Variants in GRIP1 observed in about 807,000 individuals in gnomAD.
GRIP1 encodes the protein glutamate receptor-interacting protein 1.
In GRIP1, 45 loss-of-function variants were observed where a neutral mutation model predicts 129.9. The ratio of observed to expected loss-of-function variants is 0.35; its 90% CI spans 0.27 to 0.44. The LOEUF is 0.44. GRIP1 is among the 20% of genes least tolerant of loss of function. GRIP1 has a pLI of 1.00. For missense variants in GRIP1, 1,196 were observed against 1,396.8 expected, an observed-to-expected ratio of 0.86 and a Z score of 2.29; for synonymous variants, 530 against 520.8, an observed-to-expected ratio of 1.02 and a Z score of -0.24.
chr12:66,485,047 G>C (rs2059915374), intron 7 of GRIP1, among the ~76,000 whole-genome samples: 1 of 152,168 alleles, frequency 6.6e-6, no homozygotes, highest in Non-Finnish European at 1.5e-5. Context: ...CCATAACTAG[G>C]TTTGGAATTG....
At chr12:66,870,360 G>A (rs1056073071) in intron 1 of GRIP1, among the ~76,000 whole-genome samples, 1 of 150,462 alleles carries the variant, frequency 6.6e-6, no homozygotes, top group Non-Finnish European at 1.5e-5. Context: ...TGTAAATCAG[G>A]GTTGAAAAAA....
At chr12:67,010,476 G>A (rs80051596) in intron 1 of GRIP1, among the ~76,000 whole-genome samples, 4,519 of 152,066 alleles carry the variant, frequency 0.03, 185 homozygotes, top group African/African-American at 0.093. Context: ...TTTCTATTAC[G>A]TACAACTATG....
chr12:66,821,909 C>T (rs993039757), intron 1 of GRIP1, among the ~76,000 whole-genome samples: 2 of 152,090 alleles, frequency 1.3e-5, no homozygotes, highest in Non-Finnish European at 2.9e-5. Flanking sequence ...CATCCTTGGC[C>T]GACTACATTA....
intron 1 of GRIP1, among the ~76,000 whole-genome samples, chr12:66,987,840 C>G (rs2042335211): frequency 6.6e-6 from 1 of 152,184 alleles, no homozygotes; most frequent in Admixed American, 6.5e-5. Context: ...CTCTTATCAA[C>G]CAATGCTTTC....
intron 1 of GRIP1, among the ~76,000 whole-genome samples, chr12:66,628,111 G>A (rs1207789039): frequency 6.6e-6 from 1 of 152,170 alleles, no homozygotes; most frequent in Non-Finnish European, 1.5e-5. Flanking sequence ...GCTGGGGAAA[G>A]CCATAGCCAC....
chr12:66,350,784 C>G (rs1264499141), intron 24 of GRIP1, among the ~76,000 whole-genome samples: 1 of 152,188 alleles, frequency 6.6e-6, no homozygotes, highest in Non-Finnish European at 1.5e-5. Context: ...TGCCTGTGAT[C>G]TTCTCCTCCC....
At chr12:66,701,149 A>T (rs1211339457) in intron 1 of GRIP1, among the ~76,000 whole-genome samples, 1 of 152,100 alleles carries the variant, frequency 6.6e-6, no homozygotes, top group East Asian at 1.9e-4. Context: ...CCTTTTCTAC[A>T]CACATCCATT....
chr12:66,955,570 C>G (rs1453669058), intron 1 of GRIP1, among the ~76,000 whole-genome samples: 1 of 138,302 alleles, frequency 7.2e-6, no homozygotes, highest in Non-Finnish European at 1.5e-5. Flanking sequence ...TGCAGTGGTG[C>G]AATCTCGGCT....
intron 1 of GRIP1, among the ~76,000 whole-genome samples, chr12:66,646,727 T>C (rs1037495834): frequency 6.6e-6 from 1 of 152,120 alleles, no homozygotes; most frequent in Admixed American, 6.5e-5. Context: ...CCCCACCCCA[T>C]TGATGGGATA....
chr12:66,942,078 C>T (rs1352347733), intron 1 of GRIP1, among the ~76,000 whole-genome samples: 3 of 152,156 alleles, frequency 2.0e-5, no homozygotes, highest in Non-Finnish European at 4.4e-5. Flanking sequence ...AGGTGCTTTG[C>T]ATGTACTAAT....
intron 1 of GRIP1, among the ~76,000 whole-genome samples, chr12:66,840,847 A>G (rs2137047831): frequency 6.6e-6 from 1 of 152,292 alleles, no homozygotes; most frequent in South Asian, 2.1e-4. Flanking sequence ...CAGACAGCCC[A>G]GTGAGCCTCT....
intron 1 of GRIP1, among the ~76,000 whole-genome samples, chr12:66,980,312 T>C (rs1278021828): frequency 6.6e-6 from 1 of 152,140 alleles, no homozygotes; most frequent in Non-Finnish European, 1.5e-5. Flanking sequence ...CAGATGCTCT[T>C]TTAAGAATTC....
intron 1 of GRIP1, among the ~76,000 whole-genome samples, chr12:66,626,317 G>C (rs1275666373): frequency 1.4e-5 from 2 of 147,926 alleles, no homozygotes; most frequent in African/African-American, 5.0e-5. Flanking sequence ...TCCAGCCTGG[G>C]AGACAGAGTA....
chr12:66,763,947 A>G (rs2136682634), intron 1 of GRIP1, among the ~76,000 whole-genome samples: 1 of 152,336 alleles, frequency 6.6e-6, no homozygotes, highest in South Asian at 2.1e-4. Context: ...GCAAGCACTG[A>G]CATTGCCTAA....
chr12:66,754,202 G>T (rs1377120547), intron 1 of GRIP1, among the ~76,000 whole-genome samples: 1 of 152,162 alleles, frequency 6.6e-6, no homozygotes, highest in African/African-American at 2.4e-5. Context: ...GACGATGGAT[G>T]TATACATCTG....
chr12:67,054,490 G>A (rs2043400135), intron 1 of GRIP1, among the ~76,000 whole-genome samples: 1 of 152,152 alleles, frequency 6.6e-6, no homozygotes, highest in East Asian at 1.9e-4. Flanking sequence ...GGGGCCAGGT[G>A]CAGTGGCTCA....
At chr12:67,006,258 G>A (rs1379682366) in intron 1 of GRIP1, among the ~76,000 whole-genome samples, 1 of 152,036 alleles carries the variant, frequency 6.6e-6, no homozygotes. Flanking sequence ...AGGCTGCTAG[G>A]CACCAACATT....
At chr12:66,645,820 T>C (rs61926116) in intron 1 of GRIP1, among the ~76,000 whole-genome samples, 9,912 of 152,250 alleles carry the variant, frequency 0.065, 393 homozygotes, top group East Asian at 0.11. Flanking sequence ...CTATTTGACT[T>C]AGCAAGAAAT....
intron 1 of GRIP1, among the ~76,000 whole-genome samples, chr12:66,783,263 G>T (rs1439483908): frequency 6.6e-6 from 1 of 152,084 alleles, no homozygotes; most frequent in East Asian, 1.9e-4. Flanking sequence ...TGAACTCCTG[G>T]CCTCATGTGA....
Sources: allele counts gnomAD v4.1 joint callset (sites outside exome capture counted in the v4.1 genomes callset), GRCh38; gene constraint gnomAD v4.1.1; transcripts MANE v1.5; gene names NCBI Gene and HGNC (gene_info 2026-07-23, HGNC 2026-07-21).